Variants in NEGR1 observed in about 807,000 individuals in gnomAD.
NEGR1 encodes IgLON family member 4.
NEGR1 carries 10 observed loss-of-function variants against 40.9 expected under a neutral mutation model. That is an observed-to-expected ratio of 0.24 (90% CI 0.15 to 0.42). NEGR1 has a LOEUF of 0.42. NEGR1 is among the 10% of genes least tolerant of loss of function. NEGR1 has a pLI of 1.00. For synonymous variants in NEGR1, 185 were observed against 166.8 expected (o/e 1.11, Z -0.84); for missense variants, 352 against 438.9 (o/e 0.80, Z 1.77).
intron 2 of NEGR1, among the ~76,000 whole-genome samples, chr1:71,926,701 A>G (rs1645777291): frequency 6.6e-6 from 1 of 151,970 alleles, no homozygotes. Context: ...AGTAACAACA[A>G]ATTGAAAATG....
Position 71,671,437 on chromosome 1 carries a change from G to A in NEGR1, c.667+26571C>T, listed in dbSNP as rs566693020. Among the ~76,000 whole-genome samples, 31 of 152,230 alleles carry A rather than the reference G, an allele frequency of 2.0e-4. No homozygotes were observed. In the East Asian group the frequency reaches 4.1e-3, roughly 20 times the overall value. ...TTTTAATAATGCACTGAAATAAGGG[G>A]AAATTGATAGAAAGAAAGCATAAAT... On this transcript the variant is annotated intron_variant, in intron 4 of 6. Transcript: ENST00000357731.
chr1:71,496,469 G>C (rs1383672982), intron 6 of NEGR1, among the ~76,000 whole-genome samples: 1 of 152,124 alleles, frequency 6.6e-6, no homozygotes, highest in African/African-American at 2.4e-5. Context: ...TCGTTGGCCA[G>C]AAGTTTGATA....
intron 4 of NEGR1, among the ~76,000 whole-genome samples, chr1:71,681,976 G>A (rs368605218): frequency 5.9e-5 from 9 of 152,214 alleles, no homozygotes; most frequent in Admixed American, 5.2e-4. Flanking sequence ...ACAGGCATGA[G>A]CCACCACGAC....
chr1:71,963,515 C>A (rs1179958215), intron 1 of NEGR1, among the ~76,000 whole-genome samples: 1 of 152,094 alleles, frequency 6.6e-6, no homozygotes, highest in African/African-American at 2.4e-5. Context: ...GGTAGAATTG[C>A]TGGTTCAAAG....
intron 6 of NEGR1, among the ~76,000 whole-genome samples, chr1:71,501,087 A>G (rs4650111): frequency 0.25 from 37,730 of 151,846 alleles, 6,053 homozygotes; most frequent in East Asian, 0.57. Flanking sequence ...ATTGACATTA[A>G]TATGCAAATA....
chr1:72,268,134 CA>C (rs544758995), intron 1 of NEGR1, among the ~76,000 whole-genome samples: 83 of 151,286 alleles, frequency 5.5e-4, no homozygotes, highest in African/African-American at 2.0e-3. Context: ...CAGAATACAC[CA>C]AATACAATAT....
intron 6 of NEGR1, among the ~76,000 whole-genome samples, chr1:71,542,366 T>C (rs971598265): frequency 4.0e-5 from 6 of 151,740 alleles, no homozygotes; most frequent in African/African-American, 1.4e-4. Context: ...GGTACGAGCC[T>C]GTTGACAAGT....
chr1:71,757,721 T>C (rs1190862880), intron 3 of NEGR1, among the ~76,000 whole-genome samples: 1 of 152,072 alleles, frequency 6.6e-6, no homozygotes. Context: ...TGGAAATCAT[T>C]CTGGTGATTG....
chr1:71,948,006 G>A (rs1426925918), intron 1 of NEGR1, among the ~76,000 whole-genome samples: 2 of 152,106 alleles, frequency 1.3e-5, no homozygotes, highest in Admixed American at 6.6e-5. Flanking sequence ...GAATATATGT[G>A]AGAATTATTA....
intron 2 of NEGR1, among the ~76,000 whole-genome samples, chr1:71,865,830 C>T (rs1368554083): frequency 2.0e-5 from 3 of 152,060 alleles, no homozygotes; most frequent in Non-Finnish European, 4.4e-5. Context: ...CAATTTGTGT[C>T]TCACACATAG....
chr1:72,111,423 C>T (rs1313426260), intron 1 of NEGR1, among the ~76,000 whole-genome samples: 2 of 151,496 alleles, frequency 1.3e-5, no homozygotes, highest in East Asian at 3.9e-4. Context: ...CTTCTCAAAG[C>T]ACAACAGAAA....
intron 1 of NEGR1, among the ~76,000 whole-genome samples, chr1:72,031,307 G>A (rs2100439244): frequency 6.6e-6 from 1 of 152,314 alleles, no homozygotes; most frequent in African/African-American, 2.4e-5. Context: ...TAGGGAGGAA[G>A]TGGATGTAAG....
At chr1:71,703,534 T>C (rs1187179913) in intron 3 of NEGR1, 2 of 146,334 alleles carry the variant, frequency 1.4e-5, no homozygotes, top group Non-Finnish European at 3.0e-5. Context: ...TTAAATACAG[T>C]TGGCTATAAC....
intron 6 of NEGR1, among the ~76,000 whole-genome samples, chr1:71,581,663 T>C (rs1194484361): frequency 2.0e-5 from 3 of 151,896 alleles, no homozygotes; most frequent in Non-Finnish European, 4.4e-5. Context: ...GATAATTGCA[T>C]ATTTTCTTAC....
chr1:71,465,055 G>A (rs1161916417), intron 6 of NEGR1, among the ~76,000 whole-genome samples: 1 of 152,070 alleles, frequency 6.6e-6, no homozygotes, highest in Non-Finnish European at 1.5e-5. Flanking sequence ...TTCTGAGGAT[G>A]CTTGGATGCC....
chr1:72,252,471 T>A (rs1378766278), intron 1 of NEGR1, among the ~76,000 whole-genome samples: 3 of 152,192 alleles, frequency 2.0e-5, no homozygotes, highest in African/African-American at 7.2e-5. Context: ...AACTATAGCA[T>A]ATCAAGTCCT....
intron 1 of NEGR1, among the ~76,000 whole-genome samples, chr1:72,054,332 T>C (rs1398547675): frequency 6.6e-6 from 1 of 151,288 alleles, no homozygotes; most frequent in Non-Finnish European, 1.5e-5. Context: ...GCATTTTCCA[T>C]CTGTCTTTGT....
intron 1 of NEGR1, among the ~76,000 whole-genome samples, chr1:72,146,658 C>T (rs994534163): frequency 7.2e-5 from 11 of 151,940 alleles, no homozygotes; most frequent in Admixed American, 7.2e-4. Flanking sequence ...GACTTGGGTT[C>T]CATCCCCAAG....
At chr1:71,590,100 C>T (rs958595597) in intron 6 of NEGR1, among the ~76,000 whole-genome samples, 1 of 152,142 alleles carries the variant, frequency 6.6e-6, no homozygotes, top group South Asian at 2.1e-4. Context: ...CACCCAGGCT[C>T]ATCCTAATCA....
Sources: allele counts gnomAD v4.1 joint callset (sites outside exome capture counted in the v4.1 genomes callset), GRCh38; gene constraint gnomAD v4.1.1; transcripts MANE v1.5; gene names NCBI Gene and HGNC (gene_info 2026-07-23, HGNC 2026-07-21).